Variants in KCNK13 observed in about 807,000 individuals in gnomAD.
KCNK13 encodes potassium channel subfamily K member 13.
KCNK13 carries 12 observed loss-of-function variants against 23.4 expected under a neutral mutation model. The ratio of observed to expected loss-of-function variants is 0.51; its 90% CI spans 0.33 to 0.83. The LOEUF (loss-of-function observed/expected upper bound fraction) is 0.83. Ranked by LOEUF, KCNK13 falls within the 40% of genes least tolerant of loss-of-function variation. The pLI is 0.02. For synonymous variants in KCNK13, 231 were observed against 229.5 expected, an observed-to-expected ratio of 1.01 and a Z score of -0.06; for missense variants, 463 against 556.3, an observed-to-expected ratio of 0.83 and a Z score of 1.69.
Position 90,184,530 on chromosome 14 carries a change from G to A in KCNK13, c.754G>A (p.Glu252Lys), listed in dbSNP as rs1890524900. 2.5e-6 allele frequency: 4 copies of A among 1,614,146 alleles called. No individual in the cohort carries two copies. Among genetic ancestry groups the A allele is most frequent in the Admixed American group, 1.7e-5 (1 of 60,010 alleles). The change falls in exon 2 of 2, where the codon GAG becomes AAG. Residue 252 changes from glutamate (E) to lysine (K), a missense_variant. Physicochemically the swap from Glu to Lys is moderately conservative, Grantham distance 56. Around this residue, in one of 3 missense-constraint regions of KCNK13, gnomAD observed 144 missense variants for 224.0 expected, o/e 0.64. Transcript: ENST00000282146. This position sits in a 1 kb window ranked among gnomAD's most constrained non-coding sequence, Gnocchi z 5.6. ...DLVSSQNAHY[E>K]SQGLYRFANF... ...GGTCAGCAGCCAGAACGCCCACTAT[G>A]AGAGCCAAGGCCTCTATCGCTTTGC...
chr14:90,107,254 C>T (rs572399710), intron 1 of KCNK13, among the ~76,000 whole-genome samples: 19 of 152,020 alleles, frequency 1.2e-4, no homozygotes, highest in Non-Finnish European at 2.4e-4. Context: ...CCAAGGTGGG[C>T]AGATCACGAG....
Position 90,166,455 on chromosome 14 carries a change from C to T in KCNK13, c.335-17656C>T, listed in dbSNP as rs535976944. Among the ~76,000 whole-genome samples, 72 of 152,308 alleles carry T rather than the reference C, an allele frequency of 4.7e-4. 2 individuals carry two copies. In the South Asian group the frequency reaches 0.015, roughly 31 times the overall value. ...GCGCAGTGGCTCACGCCTATAATCC[C>T]AGCACTTTGGGGTGCTAAGGCGGGC... On this transcript the variant is annotated intron_variant, in intron 1 of 1. Transcript: ENST00000282146.
intron 1 of KCNK13, among the ~76,000 whole-genome samples, chr14:90,119,388 TC>T (rs1889711550): frequency 6.6e-6 from 1 of 151,896 alleles, no homozygotes; most frequent in Admixed American, 6.6e-5. Context: ...GATGCAAAAA[TC>T]CTCAATAAAA....
At chr14:90,125,011 T>G (rs755613031) in intron 1 of KCNK13, among the ~76,000 whole-genome samples, 3 of 152,092 alleles carry the variant, frequency 2.0e-5, no homozygotes, top group Admixed American at 2.0e-4. Context: ...AGACCCAAGC[T>G]CCACGCTTTT....
chr14:90,185,168 A>C lies in KCNK13; in HGVS notation c.*165A>C. 1 of 565,458 alleles carries C rather than the reference A, an allele frequency of 1.8e-6. No homozygotes were observed. The highest frequency in any genetic ancestry group is 3.0e-6 in the Non-Finnish European group (1 of 335,220). 35.0% of individuals were successfully genotyped at this position (565,458 alleles called of 1,614,324 possible). On this transcript the variant is annotated 3_prime_UTR_variant, in exon 2 of 2. Coordinates refer to ENST00000282146, the MANE Select transcript of KCNK13 (RefSeq NM_022054.4). ...CTGATCTCGGCTCCAACCAACAGCC[A>C]CCTTCCAGGGATGGGGGGCCTGAAG...
chr14:90,100,338 C>A (rs762343104), intron 1 of KCNK13, among the ~76,000 whole-genome samples: 49 of 152,294 alleles, frequency 3.2e-4, no homozygotes, highest in Admixed American at 6.5e-4. Flanking sequence ...AGTCTCAAAC[C>A]TCAGCAATGC....
chr14:90,181,483 A>G (rs962034626), intron 1 of KCNK13, among the ~76,000 whole-genome samples: 2 of 152,064 alleles, frequency 1.3e-5, no homozygotes, highest in African/African-American at 4.8e-5. Flanking sequence ...CACCACACTC[A>G]CCTCTCGCAA....
chr14:90,086,073 T>C (rs1889272732), intron 1 of KCNK13, among the ~76,000 whole-genome samples: 1 of 151,670 alleles, frequency 6.6e-6, no homozygotes, highest in Non-Finnish European at 1.5e-5. Context: ...TTCTTCCTAT[T>C]GTAAGACATA....
chr14:90,073,522 A>C (rs1332858621), intron 1 of KCNK13, among the ~76,000 whole-genome samples: 3 of 152,214 alleles, frequency 2.0e-5, no homozygotes, highest in African/African-American at 7.2e-5. Flanking sequence ...CCTTTTAAGC[A>C]GCTGATGAAG....
At chr14:90,146,401 T>C (rs138716952) in intron 1 of KCNK13, among the ~76,000 whole-genome samples, 9,882 of 152,168 alleles carry the variant, frequency 0.065, 415 homozygotes, top group South Asian at 0.21. Context: ...CTGCAACTTT[T>C]GCCTCCTGGG....
intron 1 of KCNK13, among the ~76,000 whole-genome samples, chr14:90,128,790 C>T (rs540658813): frequency 6.6e-6 from 1 of 152,212 alleles, no homozygotes; most frequent in East Asian, 1.9e-4. Context: ...GAATTCATCC[C>T]CATTCCCCTT....
At chr14:90,103,953 T>G (rs1280857347) in intron 1 of KCNK13, among the ~76,000 whole-genome samples, 1 of 152,170 alleles carries the variant, frequency 6.6e-6, no homozygotes, top group Non-Finnish European at 1.5e-5. Flanking sequence ...CTTTGCCCTT[T>G]CAGCTTCCAT....
chr14:90,160,259 T>G (rs1439850836), intron 1 of KCNK13, among the ~76,000 whole-genome samples: 1 of 152,212 alleles, frequency 6.6e-6, no homozygotes, highest in Non-Finnish European at 1.5e-5. Context: ...TCTGCAAAGT[T>G]AATGGAGTCT....
intron 1 of KCNK13, among the ~76,000 whole-genome samples, chr14:90,144,923 T>C (rs1167518940): frequency 1.3e-5 from 2 of 152,144 alleles, no homozygotes; most frequent in Non-Finnish European, 2.9e-5. Context: ...AATGTTAATA[T>C]TAGCGGTAGG....
At chr14:90,124,495 G>A (rs1047868123) in intron 1 of KCNK13, among the ~76,000 whole-genome samples, 1 of 152,240 alleles carries the variant, frequency 6.6e-6, no homozygotes, top group Non-Finnish European at 1.5e-5. Flanking sequence ...CTGCCTTTTA[G>A]ATAGAGAAAG....
intron 1 of KCNK13, among the ~76,000 whole-genome samples, chr14:90,148,263 C>T (rs1233360777): frequency 2.0e-5 from 3 of 152,076 alleles, no homozygotes; most frequent in African/African-American, 4.8e-5. Context: ...GCCGTAGCAC[C>T]ACACTATTAA....
chr14:90,163,395 A>C (rs531198697), intron 1 of KCNK13, among the ~76,000 whole-genome samples: 2,586 of 152,326 alleles, frequency 0.017, 72 homozygotes, highest in African/African-American at 0.059. Context: ...CAGTGAAGAC[A>C]CTCAGATAGG....
intron 1 of KCNK13, among the ~76,000 whole-genome samples, chr14:90,063,918 C>T (rs1329531129): frequency 6.6e-6 from 1 of 152,182 alleles, no homozygotes; most frequent in Non-Finnish European, 1.5e-5. Context: ...CTCCCAGCCC[C>T]CATCCCATCC....
Position 90,090,494 on chromosome 14 carries a change from C to G in KCNK13, c.334+27955C>G, listed in dbSNP as rs1056253465. On this transcript the variant is annotated intron_variant, in intron 1 of 1. Transcript: ENST00000282146. ...AGGCTTATAGGCAGAAGGGCCTTGC[C>G]TTGTCTCCAATGAGATGTTGGACTG... Among the ~76,000 whole-genome samples, 5 of 152,212 alleles carry G rather than the reference C, an allele frequency of 3.3e-5. No homozygotes were observed. In the East Asian group the frequency reaches 9.6e-4, roughly 29 times the overall value.
Sources: gnomAD v4.1 joint callset for allele counts (sites outside exome capture counted in the v4.1 genomes callset) on GRCh38, gnomAD v4.1.1 for gene constraint, gnomAD v4.1.1 regional missense constraint, Gnocchi (gnomAD v3.1) non-coding constraint, MANE v1.5 for transcripts, NCBI Gene and HGNC (gene_info 2026-07-23, HGNC 2026-07-21) for gene names.